The following ZFPM2 variants were observed in gnomAD, a reference collection of about 807,000 sequenced individuals.
The protein encoded by ZFPM2 is zinc finger protein ZFPM2.
In ZFPM2, 20 loss-of-function variants were observed where a neutral mutation model predicts 98.6. That is an observed-to-expected ratio of 0.20 (90% CI 0.14 to 0.29). ZFPM2 has a LOEUF of 0.29. Among genes scored for constraint, ZFPM2 ranks in the 10% least tolerant of loss-of-function variants. The probability of loss-of-function intolerance (pLI) is 1.00; values close to 1 mark genes in which losing one functional copy is unlikely to be tolerated. For synonymous variants in ZFPM2, 518 were observed against 502.7 expected, an observed-to-expected ratio of 1.03 and a Z score of -0.41; for missense variants, 1,310 against 1,388.6, an observed-to-expected ratio of 0.94 and a Z score of 0.90.
At chr8:105,466,786 T>A (rs77911703) in intron 3 of ZFPM2, among the ~76,000 whole-genome samples, 4,397 of 152,056 alleles carry the variant, frequency 0.029, 198 homozygotes, top group African/African-American at 0.1. Flanking sequence ...TTTTTTTTTT[T>A]AATTTTGAGG....
At chr8:105,615,379 A>C (rs749629168) in intron 4 of ZFPM2, among the ~76,000 whole-genome samples, 4 of 152,122 alleles carry the variant, frequency 2.6e-5, no homozygotes, top group Non-Finnish European at 5.9e-5. Context: ...TTGTAGTTTT[A>C]CTTTTCTGCA....
chr8:105,641,911 A>G (rs765397254), intron 5 of ZFPM2, among the ~76,000 whole-genome samples: 1 of 152,106 alleles, frequency 6.6e-6, no homozygotes, highest in African/African-American at 2.4e-5. Context: ...GGATCCATGC[A>G]TGAATGAAGC....
chr8:105,377,432 T>C (rs536382306), intron 1 of ZFPM2, among the ~76,000 whole-genome samples: 3 of 152,108 alleles, frequency 2.0e-5, no homozygotes, highest in East Asian at 1.9e-4. Context: ...GTACCTGTTA[T>C]ATAGTAGTAC....
intron 1 of ZFPM2, among the ~76,000 whole-genome samples, chr8:105,348,962 C>T (rs917372797): frequency 6.6e-6 from 1 of 152,128 alleles, no homozygotes; most frequent in African/African-American, 2.4e-5. Context: ...ACTTAAAAAT[C>T]ATTTCCAAAA....
chr8:105,377,788 A>G (rs985226877), intron 1 of ZFPM2, among the ~76,000 whole-genome samples: 2 of 152,022 alleles, frequency 1.3e-5, no homozygotes, highest in Non-Finnish European at 2.9e-5. Flanking sequence ...TCAAAAGAAA[A>G]ATAAAGAAAA....
intron 4 of ZFPM2, among the ~76,000 whole-genome samples, chr8:105,563,122 A>G (rs1815173923): frequency 6.6e-6 from 1 of 152,304 alleles, no homozygotes; most frequent in East Asian, 1.9e-4. Context: ...TGCTAAAGGG[A>G]CATAAGAACT....
chr8:105,637,532 T>G (rs2130845240), intron 5 of ZFPM2, among the ~76,000 whole-genome samples: 1 of 152,262 alleles, frequency 6.6e-6, no homozygotes. Context: ...ATTTCTCTAC[T>G]TTGCTCCAGA....
chr8:105,522,316 G>A (rs1814080763), intron 3 of ZFPM2, among the ~76,000 whole-genome samples: 1 of 152,178 alleles, frequency 6.6e-6, no homozygotes. Flanking sequence ...GAAAAGTTAG[G>A]AACGATGTTT....
At chr8:105,395,816 TACTC>T (rs1217766664) in intron 1 of ZFPM2, among the ~76,000 whole-genome samples, 1 of 152,218 alleles carries the variant, frequency 6.6e-6, no homozygotes, top group African/African-American at 2.4e-5. Flanking sequence ...TTCTGAGACT[TACTC>T]ACAGTCAGAC....
intron 3 of ZFPM2, among the ~76,000 whole-genome samples, chr8:105,505,535 A>T (rs1429920015): frequency 6.6e-6 from 1 of 152,122 alleles, no homozygotes; most frequent in Admixed American, 6.6e-5. Flanking sequence ...ATATTAAAAC[A>T]TACTTTTTTT....
chr8:105,802,247 C>A lies in ZFPM2; in HGVS notation c.2165C>A (p.Ala722Asp), dbSNP rs1239065857. The A allele has an allele frequency of 1.9e-6, 3 of 1,613,918 alleles. No homozygotes were observed. Among genetic ancestry groups the A allele is most frequent in the South Asian group, 1.1e-5 (1 of 91,074 alleles). Residue 722 changes from alanine (A) to aspartate (D), a missense_variant, in exon 8 of 8, where the codon GCT (alanine) becomes GAT (aspartate). Physicochemically the swap from Ala to Asp is moderately radical, Grantham distance 126. Coordinates refer to ENST00000407775, the MANE Select transcript of ZFPM2 (RefSeq NM_012082.4). The part of the protein sequence containing the change: ...TRHDPPLKRS[A>D]SNKVPAMQRT... ...CACGACCCTCCACTGAAGAGGTCTG[C>A]TTCCAACAAAGTGCCTGCCATGCAG... is the stretch of plus-strand genomic sequence containing the variant.
intron 5 of ZFPM2, among the ~76,000 whole-genome samples, chr8:105,677,559 A>G (rs1366976589): frequency 5.3e-5 from 8 of 151,716 alleles, no homozygotes; most frequent in Admixed American, 4.6e-4. Flanking sequence ...GAATTCCATG[A>G]TCTGTATTGT....
intron 1 of ZFPM2, among the ~76,000 whole-genome samples, chr8:105,372,428 G>A (rs189405323): frequency 6.8e-4 from 103 of 152,252 alleles, no homozygotes; most frequent in African/African-American, 2.2e-3. Flanking sequence ...GTATGTGCAT[G>A]TTTATTATTT....
chr8:105,791,979 CT>C (rs1813627659), intron 6 of ZFPM2, among the ~76,000 whole-genome samples: 1 of 152,110 alleles, frequency 6.6e-6, no homozygotes, highest in Non-Finnish European at 1.5e-5. Flanking sequence ...ATTCTTCTCT[CT>C]TTTTTTCTTT....
chr8:105,413,692 A>T (rs2130051372), intron 1 of ZFPM2, among the ~76,000 whole-genome samples: 1 of 151,878 alleles, frequency 6.6e-6, no homozygotes, highest in East Asian at 1.9e-4. Flanking sequence ...AGGAGCTGGC[A>T]ACTTGGGAGA....
intron 4 of ZFPM2, among the ~76,000 whole-genome samples, chr8:105,581,394 C>G (rs573275542): frequency 6.6e-6 from 1 of 152,190 alleles, no homozygotes; most frequent in Non-Finnish European, 1.5e-5. Flanking sequence ...AGATGCCTTT[C>G]GCAGTATCAT....
At chr8:105,702,767 T>C (rs1207191286) in intron 5 of ZFPM2, among the ~76,000 whole-genome samples, 2 of 152,184 alleles carry the variant, frequency 1.3e-5, no homozygotes, top group Admixed American at 1.3e-4. Context: ...AAAATGGGTA[T>C]GTATTTTGGC....
intron 3 of ZFPM2, among the ~76,000 whole-genome samples, chr8:105,496,848 G>T (rs1286408851): frequency 6.7e-6 from 1 of 149,798 alleles, no homozygotes; most frequent in East Asian, 2.0e-4. Context: ...TGCGCGTGGT[G>T]GCGCATGACT....
intron 5 of ZFPM2, among the ~76,000 whole-genome samples, chr8:105,717,207 C>G (rs1417697165): frequency 6.6e-6 from 1 of 151,920 alleles, no homozygotes; most frequent in Non-Finnish European, 1.5e-5. Context: ...AAAATGGAAC[C>G]ACTGGGTCAG....
Sources: allele counts gnomAD v4.1 joint callset (sites outside exome capture counted in the v4.1 genomes callset), GRCh38; gene constraint gnomAD v4.1.1; transcripts MANE v1.5; gene names NCBI Gene and HGNC (gene_info 2026-07-23, HGNC 2026-07-21).